The following PLXNC1 variants were observed in gnomAD, a reference collection of about 807,000 sequenced individuals.
PLXNC1 encodes the protein plexin C1.
Under a neutral mutation model 178.2 loss-of-function variants are expected in PLXNC1, and 75 were observed. That is an observed-to-expected ratio of 0.42 (90% CI 0.35 to 0.51). The LOEUF (loss-of-function observed/expected upper bound fraction) is 0.51. Ranked by LOEUF, PLXNC1 falls within the 20% of genes least tolerant of loss-of-function variation. The pLI, the probability that PLXNC1 is intolerant of heterozygous loss-of-function variation, is 0.02. For synonymous variants in PLXNC1, 790 were observed against 779.9 expected (o/e 1.01, Z -0.22); for missense variants, 1,503 against 1,984.4 (o/e 0.76, Z 4.61).
At chr12:94,160,716 G>A (rs908045906) in intron 1 of PLXNC1, among the ~76,000 whole-genome samples, 3 of 152,190 alleles carry the variant, frequency 2.0e-5, no homozygotes, top group Non-Finnish European at 2.9e-5. Flanking sequence ...CTCTTGTGCT[G>A]TAGACCTCTA....
chr12:94,259,418 T>G, intron 18 of PLXNC1, 43 bp downstream of exon 18: 1 of 1,432,554 alleles, frequency 7.0e-7, no homozygotes, highest in Non-Finnish European at 9.6e-7. Context: ...GACTGCCTGA[T>G]GTTCATAGTG....
At chr12:94,196,977 T>G (rs1962939371) in intron 4 of PLXNC1, among the ~76,000 whole-genome samples, 1 of 152,240 alleles carries the variant, frequency 6.6e-6, no homozygotes, top group Non-Finnish European at 1.5e-5. Context: ...AAGCCTGCAG[T>G]GGGTTTCACT....
chr12:94,305,273 C>G lies in PLXNC1; in HGVS notation c.4695C>G (p.Cys1565Trp). Residue 1565 changes from cysteine to tryptophan, a missense_variant, in exon 31 of 31, where the codon TGC becomes TGG. Physicochemically the swap from Cys to Trp is radical, Grantham distance 215. Coordinates refer to ENST00000258526, the MANE Select transcript of PLXNC1 (RefSeq NM_005761.3). ...TCTTATTTGATGAAAAGAAGAAATG[C>G]AAGTGGATGTAAGCACTCTGGGGCC... Reference protein sequence around the residue: ...VKVLFDEKKKCKWM With the variant: ...VKVLFDEKKKWKWM The G allele has an allele frequency of 1.2e-6, 2 of 1,605,766 alleles. No individual in the cohort carries two copies. Among genetic ancestry groups the G allele is most frequent in the Non-Finnish European group, 1.7e-6 (2 of 1,173,768 alleles).
chr12:94,247,839 T>G (rs1343951017), intron 12 of PLXNC1, 64 bp from the exon 13 acceptor site: 3 of 1,456,472 alleles, frequency 2.1e-6, no homozygotes, highest in Non-Finnish European at 2.9e-6. Flanking sequence ...GTCACTTAGC[T>G]CTTAGAGATC....
intron 2 of PLXNC1, chr12:94,176,461 T>A (rs1962054459): frequency 6.6e-6 from 1 of 152,230 alleles, no homozygotes; most frequent in East Asian, 1.9e-4. Flanking sequence ...GTAGCACATT[T>A]GGGACCTTTG....
chr12:94,206,232 C>T (rs1183127638), intron 4 of PLXNC1, among the ~76,000 whole-genome samples: 2 of 150,890 alleles, frequency 1.3e-5, no homozygotes, highest in South Asian at 2.1e-4. Context: ...CTGTTTATGA[C>T]TTGGGGCCGG....
intron 20 of PLXNC1, among the ~76,000 whole-genome samples, chr12:94,263,839 G>A (rs546476070): frequency 8.5e-5 from 13 of 152,144 alleles, no homozygotes; most frequent in Non-Finnish European, 1.6e-4. Flanking sequence ...GGTGGCAAGA[G>A]GAAGCCCGGG....
chr12:94,282,374 C>T lies in PLXNC1; in HGVS notation c.3852C>T (p.Thr1284=). The change falls in exon 23 of 31, where the codon ACC becomes ACT. Residue 1284 remains threonine (T), a synonymous_variant. Transcript: ENST00000258526. ...SSSVILEDGI[T]KLNTIGHYEI... is the part of the protein sequence containing the mutation. Reference sequence around the variant, plus strand: ...CCGTGATTCTTGAAGATGGAATCACCAAGCTAAACACCATTGGCCACTATG... The same window carrying T: ...CCGTGATTCTTGAAGATGGAATCACTAAGCTAAACACCATTGGCCACTATG... 1.9e-6 allele frequency: 3 copies of T among 1,612,674 alleles called. No homozygotes were observed. In the Admixed American group the frequency reaches 5.0e-5, roughly 27 times the overall value.
At chr12:94,215,337 A>C (rs1464409105) in intron 5 of PLXNC1, among the ~76,000 whole-genome samples, 3 of 152,198 alleles carry the variant, frequency 2.0e-5, no homozygotes, top group Non-Finnish European at 2.9e-5. Context: ...CATGTTCTAC[A>C]TTTCTTGGTG....
chr12:94,151,229 G>T (rs1264110167), intron 1 of PLXNC1, among the ~76,000 whole-genome samples: 1 of 152,054 alleles, frequency 6.6e-6, no homozygotes, highest in Admixed American at 6.6e-5. Flanking sequence ...TGGCTCCCAG[G>T]TATATTAATA....
rs1457403216 is a variant in PLXNC1, at chr12:94,226,962, G to C, written c.1894-187G>C. On this transcript the variant is annotated intron_variant, in intron 8 of 30. Transcript: ENST00000258526. ...CACTTGAACCCGGGAGGCGGAGGTT[G>C]CAGTGAGCCGAGATCGCGCCACTGC... Among the ~76,000 whole-genome samples the C allele has an allele frequency of 7.9e-5, 12 of 151,694 alleles. 1 individual carries two copies. The highest frequency in any genetic ancestry group is 7.9e-4 in the Admixed American group (12 of 15,224).
At chr12:94,261,124 T>A (rs926826479) in intron 20 of PLXNC1, among the ~76,000 whole-genome samples, 1 of 151,380 alleles carries the variant, frequency 6.6e-6, no homozygotes, top group African/African-American at 2.4e-5. Context: ...GTCAGCCCAT[T>A]TAAGAAAATG....
chr12:94,248,497 T>C, intron 14 of PLXNC1, 85 bp downstream of exon 14: 1 of 1,043,648 alleles, frequency 9.6e-7, no homozygotes, highest in East Asian at 2.4e-5. Context: ...GAATGGAATC[T>C]TTCATGGATC....
chr12:94,256,138 A>G (rs561919562), intron 17 of PLXNC1: 2 of 152,262 alleles, frequency 1.3e-5, no homozygotes, highest in Admixed American at 6.5e-5. Context: ...TAAACACATC[A>G]ATACCAATGA....
chr12:94,221,465 G>T (rs1565816757), intron 6 of PLXNC1, among the ~76,000 whole-genome samples: 1 of 152,156 alleles, frequency 6.6e-6, no homozygotes, highest in Non-Finnish European at 1.5e-5. Context: ...ACGGTGGGCA[G>T]ACTGAGGACT....
At chr12:94,237,920 G>A (rs1964285630) in intron 10 of PLXNC1, 117 bp downstream of exon 10, 3 of 940,724 alleles carry the variant, frequency 3.2e-6, no homozygotes, top group African/African-American at 3.3e-5. Context: ...CCCCAAAGCA[G>A]GCCAATTAGT....
At chr12:94,230,299 A>C (rs1187288639) in intron 9 of PLXNC1, among the ~76,000 whole-genome samples, 1 of 152,190 alleles carries the variant, frequency 6.6e-6, no homozygotes, top group Non-Finnish European at 1.5e-5. Flanking sequence ...TTTATCGCTG[A>C]GTCGTGGTCC....
At chr12:94,193,792 G>A (rs1565803383) in intron 4 of PLXNC1, among the ~76,000 whole-genome samples, 1 of 152,186 alleles carries the variant, frequency 6.6e-6, no homozygotes, top group Non-Finnish European at 1.5e-5. Flanking sequence ...TGACCAGATG[G>A]ACAGAGGTGT....
At chr12:94,226,947 C>T (rs113954685) in intron 8 of PLXNC1, among the ~76,000 whole-genome samples, 22 of 152,130 alleles carry the variant, frequency 1.4e-4, no homozygotes, top group African/African-American at 4.3e-4. Context: ...CACTTGAACC[C>T]GGGAGGCGGA....
Sources: gnomAD v4.1 joint callset for allele counts (sites outside exome capture counted in the v4.1 genomes callset) on GRCh38, gnomAD v4.1.1 for gene constraint, MANE v1.5 for transcripts, NCBI Gene and HGNC (gene_info 2026-07-23, HGNC 2026-07-21) for gene names.